Variants in UBE2F observed in about 807,000 individuals in gnomAD.
UBE2F encodes NEDD8-conjugating enzyme UBE2F.
In UBE2F, 5 loss-of-function variants were observed where a neutral mutation model predicts 29.6. The observed-to-expected ratio is 0.17, with a 90% CI of 0.09 to 0.36. The LOEUF is 0.36. UBE2F is among the 10% of genes least tolerant of loss of function. The pLI is 1.00. For missense variants in UBE2F, 141 were observed against 228.5 expected (o/e 0.62, Z 2.47); for synonymous variants, 66 against 81.8 (o/e 0.81, Z 1.04).
chr2:237,996,001 A>G (rs10469606), intron 4 of UBE2F, among the ~76,000 whole-genome samples: 132,709 of 152,218 alleles, frequency 0.87, 58,106 homozygotes, highest in East Asian at 0.97. Flanking sequence ...AGTGTTCCAC[A>G]TGCCTGACAT....
intron 2 of UBE2F, among the ~76,000 whole-genome samples, chr2:237,973,445 T>G (rs1431967051): frequency 6.6e-6 from 1 of 152,240 alleles, no homozygotes; most frequent in African/African-American, 2.4e-5. Context: ...GCAGTGTGTC[T>G]TATACACTTG....
chr2:238,026,248 T>C (rs1470157384), intron 6 of UBE2F, among the ~76,000 whole-genome samples: 1 of 152,216 alleles, frequency 6.6e-6, no homozygotes, highest in Non-Finnish European at 1.5e-5. Flanking sequence ...GTTTGGAAAG[T>C]AGGCACAAAG....
At chr2:238,010,789 C>T (rs1215617357) in intron 4 of UBE2F, among the ~76,000 whole-genome samples, 1 of 152,208 alleles carries the variant, frequency 6.6e-6, no homozygotes, top group African/African-American at 2.4e-5. Flanking sequence ...AATGATCTGT[C>T]AGCTGCCCAC....
At chr2:237,992,345 G>C (rs2063607790) in intron 3 of UBE2F, among the ~76,000 whole-genome samples, 1 of 152,190 alleles carries the variant, frequency 6.6e-6, no homozygotes, top group African/African-American at 2.4e-5. Context: ...CTCACTAGAA[G>C]GATGGCATTT....
chr2:237,992,201 G>C (rs1199059577), intron 3 of UBE2F, among the ~76,000 whole-genome samples: 1 of 152,094 alleles, frequency 6.6e-6, no homozygotes, highest in Non-Finnish European at 1.5e-5. Flanking sequence ...CAGCTTTTTG[G>C]AGCTATTGAT....
At chr2:238,003,116 T>C (rs1005407849) in intron 4 of UBE2F, among the ~76,000 whole-genome samples, 2 of 152,196 alleles carry the variant, frequency 1.3e-5, no homozygotes, top group Non-Finnish European at 2.9e-5. Flanking sequence ...CTCTCATCCC[T>C]GTTTCTTTCT....
At chr2:238,024,583 A>G (rs78658048) in intron 5 of UBE2F, among the ~76,000 whole-genome samples, 10,791 of 152,004 alleles carry the variant, frequency 0.071, 1,311 homozygotes, top group African/African-American at 0.25. Context: ...GCCTCAAGCA[A>G]TCCTCCCACC....
intron 6 of UBE2F, 28 bp downstream of exon 6, chr2:238,025,440 A>G (rs771669963): frequency 6.9e-6 from 11 of 1,592,624 alleles, no homozygotes; most frequent in Admixed American, 1.7e-5. Flanking sequence ...TCTTTCTTCT[A>G]CATTCGTGAG....
chr2:237,979,871 CTT>C (rs1294987592), intron 2 of UBE2F, among the ~76,000 whole-genome samples: 2 of 152,214 alleles, frequency 1.3e-5, no homozygotes, highest in African/African-American at 2.4e-5. Context: ...GCTGTGACTG[CTT>C]TTCAGAGCTA....
At chr2:238,020,169 C>T (rs1196603936) in intron 5 of UBE2F, among the ~76,000 whole-genome samples, 1 of 152,146 alleles carries the variant, frequency 6.6e-6, no homozygotes, top group African/African-American at 2.4e-5. Context: ...CATCTCTTTC[C>T]CACTGGGCTG....
rs1243960265 is a variant in UBE2F, at chr2:237,990,205, A to G, written c.148+2213A>G. ...TTAAAATGCTACAGGAAGACAAACA[A>G]TAAACAAATAACTGTGGGGGGGCAG... On this transcript the variant is annotated intron_variant, in intron 3 of 9. Transcript: ENST00000272930. Among the ~76,000 whole-genome samples the G allele has an allele frequency of 2.0e-5, 3 of 151,688 alleles. No homozygotes were observed. In the East Asian group the frequency reaches 5.9e-4, roughly 30 times the overall value.
intron 3 of UBE2F, among the ~76,000 whole-genome samples, chr2:237,993,918 A>T (rs1022681391): frequency 1.3e-5 from 2 of 152,116 alleles, no homozygotes; most frequent in Non-Finnish European, 2.9e-5. Context: ...GTCCTGATTC[A>T]GGCCTCTTAT....
At chr2:237,976,643 C>G (rs903259434) in intron 2 of UBE2F, among the ~76,000 whole-genome samples, 1 of 152,172 alleles carries the variant, frequency 6.6e-6, no homozygotes, top group African/African-American at 2.4e-5. Context: ...AAGCTAGTTT[C>G]CTCCTGCTCT....
intron 2 of UBE2F, among the ~76,000 whole-genome samples, chr2:237,977,783 A>G (rs1393698982): frequency 1.3e-5 from 2 of 152,144 alleles, no homozygotes; most frequent in East Asian, 1.9e-4. Flanking sequence ...TGGAGTTCAG[A>G]AAGATTACTA....
At chr2:238,016,516 T>C in intron 4 of UBE2F, 50 bp from the exon 5 acceptor site, 4 of 1,520,296 alleles carry the variant, frequency 2.6e-6, no homozygotes, top group Non-Finnish European at 3.6e-6. Flanking sequence ...TTGTTTCCTT[T>C]TTTTTTTAAT....
chr2:238,000,177 T>A (rs2063766571), intron 4 of UBE2F, among the ~76,000 whole-genome samples: 1 of 152,236 alleles, frequency 6.6e-6, no homozygotes. Context: ...ATGTCGCCTT[T>A]TTCATTACTG....
chr2:238,012,240 C>T (rs188005636), intron 4 of UBE2F, among the ~76,000 whole-genome samples: 1 of 152,172 alleles, frequency 6.6e-6, no homozygotes, highest in Non-Finnish European at 1.5e-5. Flanking sequence ...TTCCTTCTTC[C>T]ATTTTGTTGA....
chr2:238,027,923 C>T (rs1189568271), intron 6 of UBE2F, among the ~76,000 whole-genome samples: 1 of 152,232 alleles, frequency 6.6e-6, no homozygotes, highest in East Asian at 1.9e-4. Flanking sequence ...GGCAGGGACC[C>T]TTCGCCTGCT....
Position 238,038,973 on chromosome 2 carries a change from G to T in UBE2F, c.508-2315G>T, listed in dbSNP as rs900728882. ...AACACGGCCAGACACCGTGGCTCAC[G>T]CCTGTAATCCCAGCACTTTGGGAAG... is the stretch of plus-strand genomic sequence containing the variant. On this transcript the variant is annotated intron_variant, in intron 9 of 9. Transcript: ENST00000272930. Among the ~76,000 whole-genome samples, 4 of 152,356 alleles carry T rather than the reference G, an allele frequency of 2.6e-5. No homozygotes were observed. The East Asian group carries it at 5.8e-4, about 22-fold the overall frequency.
Sources: allele counts gnomAD v4.1 joint callset (sites outside exome capture counted in the v4.1 genomes callset), GRCh38; gene constraint gnomAD v4.1.1; transcripts MANE v1.5; gene names NCBI Gene and HGNC (gene_info 2026-07-23, HGNC 2026-07-21).